SORL1: variants seen among roughly 807,000 people sequenced by gnomAD.
SORL1 encodes the protein sortilin-related receptor.
SORL1 carries 127 observed loss-of-function variants against 273.7 expected under a neutral mutation model. That is an observed-to-expected ratio of 0.46 (90% CI 0.40 to 0.54). The LOEUF is 0.54. SORL1 is among the 20% of genes least tolerant of loss of function. The pLI is 0.00. For synonymous variants in SORL1, 1,031 were observed against 1,067.4 expected, an observed-to-expected ratio of 0.97 and a Z score of 0.66; for missense variants, 2,494 against 2,846.1, an observed-to-expected ratio of 0.88 and a Z score of 2.81.
At chr11:121,507,406 T>C (rs1861804794) in intron 6 of SORL1, among the ~76,000 whole-genome samples, 1 of 152,204 alleles carries the variant, frequency 6.6e-6, no homozygotes, top group Non-Finnish European at 1.5e-5. Flanking sequence ...GTAATGTGTA[T>C]GTCAGGACAC....
intron 2 of SORL1, 76 bp downstream of exon 2, chr11:121,470,199 C>A: frequency 1.1e-6 from 1 of 927,334 alleles, no homozygotes; most frequent in Non-Finnish European, 1.8e-6. Context: ...GATTATCATA[C>A]TGGAAAAAGT....
At position 121,619,971 on chromosome 11, in the gene SORL1, G is replaced by C. The variant is rs575218862; in HGVS notation, c.5889+54G>C. The C allele has an allele frequency of 4.5e-5, 64 of 1,428,898 alleles. No individual in the cohort carries two copies. The East Asian group carries it at 1.1e-3, about 24-fold the overall frequency. 88.5% of individuals were successfully genotyped at this position (1,428,898 alleles called of 1,614,324 possible). On this transcript the variant is annotated intron_variant, in intron 43 of 47. Transcript: ENST00000260197. ...TGTTTATTCCTGGCCTGGTTAGGGT[G>C]GGGTGGGATGGAAGGGGATCCTCTA...
intron 11 of SORL1, among the ~76,000 whole-genome samples, chr11:121,527,974 A>AT (rs537981581): frequency 2.4e-3 from 357 of 149,786 alleles, no homozygotes; most frequent in Admixed American, 4.0e-3. Flanking sequence ...CTTTATTATT[A>AT]TTTTTTCCCT....
rs969603849 is a variant in SORL1 at position 121,610,901 on chromosome 11, C to T, written c.5240-175C>T. ...TGTTCACCAAGCAACTGTGGACCAA[C>T]CTTAGCTTCAGGAAAACAGTGGTAA... is the stretch of plus-strand genomic sequence containing the variant. On this transcript the variant is annotated intron_variant, in intron 38 of 47. Transcript: ENST00000260197. The T allele has an allele frequency of 7.0e-6, 4 of 567,786 alleles. No individual in the cohort carries two copies. The African/African-American group carries it at 7.6e-5, about 11-fold the overall frequency. 35.2% of individuals were successfully genotyped at this position (567,786 alleles called of 1,614,324 possible).
At chr11:121,548,063 A>G (rs1862459710) in intron 14 of SORL1, among the ~76,000 whole-genome samples, 1 of 152,220 alleles carries the variant, frequency 6.6e-6, no homozygotes, top group Non-Finnish European at 1.5e-5. Flanking sequence ...TCTTGACTGC[A>G]ACCCCTAGTA....
In SORL1 at chr11:121,545,135, C is replaced by G. The variant is rs576330477; in HGVS notation, c.1865-108C>G. ...GAGGGTCTGTGTGCTTGCGGGGTGG[C>G]AACAGATAGACAGGAAGTGGGGGTT... On this transcript the variant is annotated intron_variant, in intron 13 of 47. Coordinates refer to ENST00000260197, the MANE Select transcript of SORL1 (RefSeq NM_003105.6). 35 of 986,818 alleles carry G rather than the reference C, an allele frequency of 3.5e-5. No individual in the cohort carries two copies. In the East Asian group the frequency reaches 5.8e-4, roughly 16 times the overall value. The allele number at this position is 986,818 out of a possible 1,614,324, so 61.1% of individuals were successfully genotyped here. A position where few individuals can be genotyped will look rare whatever the true frequency, so the allele number is the denominator to read the frequency against.
chr11:121,600,044 G>A (rs2134914947), intron 32 of SORL1, among the ~76,000 whole-genome samples: 1 of 152,274 alleles, frequency 6.6e-6, no homozygotes, highest in Middle Eastern at 3.4e-3. Flanking sequence ...TGGAAGGCAT[G>A]CCTGTCATAC....
chr11:121,473,555 A>G (rs1861207060), intron 2 of SORL1, among the ~76,000 whole-genome samples: 1 of 146,950 alleles, frequency 6.8e-6, no homozygotes, highest in Admixed American at 6.9e-5. Context: ...GTGCAACATA[A>G]TTGGCTGAAG....
At chr11:121,481,340 A>G (rs476786) in intron 3 of SORL1, among the ~76,000 whole-genome samples, 806 of 38,448 alleles carry the variant, frequency 0.021, no homozygotes, top group Admixed American at 0.026. Flanking sequence ...GATACCTATA[A>G]GCAAGCTCCA....
At chr11:121,462,645 C>T (rs1010706954) in intron 1 of SORL1, among the ~76,000 whole-genome samples, 2 of 152,186 alleles carry the variant, frequency 1.3e-5, no homozygotes, top group Non-Finnish European at 2.9e-5. Flanking sequence ...AGTGCAGTGG[C>T]ATGATCATAG....
rs1405932316 is a variant in SORL1, at chr11:121,621,048, T to C, written c.5890-16T>C. 1.3e-6 allele frequency: 2 copies of C among 1,568,140 alleles called. No individual in the cohort carries two copies. Among genetic ancestry groups the C allele is most frequent in the Non-Finnish European group, 1.7e-6 (2 of 1,146,644 alleles). ...AACTTTCTGATTATCATTCACTTGT[T>C]CTTTTTTGGTCCTAGTTGTATGCAG... On this transcript the variant is annotated splice_polypyrimidine_tract_variant and intron_variant, in intron 43 of 47. Transcript: ENST00000260197.
At chr11:121,517,812 A>T (rs915322838) in intron 8 of SORL1, among the ~76,000 whole-genome samples, 4 of 152,238 alleles carry the variant, frequency 2.6e-5, no homozygotes, top group Non-Finnish European at 5.9e-5. Context: ...AGGTTCCATT[A>T]TACTCAGTTG....
chr11:121,490,050 A>G lies in SORL1; in HGVS notation c.698A>G (p.Lys233Arg), dbSNP rs931608727. The change falls in exon 5 of 48, where the codon AAG becomes AGG. Residue 233 changes from lysine to arginine, a missense_variant. Physicochemically the swap from Lys to Arg is conservative, Grantham distance 26. Around this residue, in one of 3 missense-constraint regions of SORL1, gnomAD observed 710 missense variants for 882.5 expected, o/e 0.80. Coordinates refer to ENST00000260197, the MANE Select transcript of SORL1 (RefSeq NM_003105.6). ...GACCACTTGTCTTTGCAGCTGTGGA[A>G]GTCAGATGACTTTGGCCAGACCTGG... ...DRSHPNKQLW[K>R]SDDFGQTWIM... 31 of 1,613,558 alleles carry G rather than the reference A, an allele frequency of 1.9e-5. No individual in the cohort carries two copies. Among genetic ancestry groups the G allele is most frequent in the Non-Finnish European group, 2.6e-5 (31 of 1,179,520 alleles).
At chr11:121,517,525 AT>A (rs1367829259) in intron 8 of SORL1, among the ~76,000 whole-genome samples, 1 of 152,122 alleles carries the variant, frequency 6.6e-6, no homozygotes, top group Non-Finnish European at 1.5e-5. Flanking sequence ...TTTTTTCACC[AT>A]TGAAAGCCCC....
At chr11:121,620,737 TGGA>T (rs1213747788) in intron 43 of SORL1, among the ~76,000 whole-genome samples, 2 of 152,012 alleles carry the variant, frequency 1.3e-5, no homozygotes, top group Admixed American at 6.6e-5. Context: ...ATTGCAGTGG[TGGA>T]GATGTGGAAG....
chr11:121,513,936 T>C lies in SORL1; in HGVS notation c.1042-216T>C, dbSNP rs544036913. On this transcript the variant is annotated intron_variant, in intron 7 of 47. Transcript: ENST00000260197. Reference sequence around the variant, plus strand: ...AGTGGCCCATTATTTTGTGCCCCATTTGCCAGTAAGGGGCCCGCTAAGCTG... The same window carrying C: ...AGTGGCCCATTATTTTGTGCCCCATCTGCCAGTAAGGGGCCCGCTAAGCTG... Among the ~76,000 whole-genome samples, 40 of 152,344 alleles carry C rather than the reference T, an allele frequency of 2.6e-4. 1 individual carries two copies. In the South Asian group the frequency reaches 3.1e-3, roughly 12 times the overall value.
chr11:121,608,276 A>C, intron 38 of SORL1, 100 bp downstream of exon 38: 1 of 980,926 alleles, frequency 1.0e-6, no homozygotes, highest in Non-Finnish European at 1.6e-6. Context: ...TAGTTTAGAA[A>C]AACATCACAC....
At chr11:121,565,865 C>T (rs529145949) in intron 21 of SORL1, among the ~76,000 whole-genome samples, 6 of 152,312 alleles carry the variant, frequency 3.9e-5, no homozygotes, top group South Asian at 2.1e-4. Context: ...GAACTCTCTC[C>T]GGTGCTGCCT....
Position 121,590,079 on chromosome 11 carries a change from A to G in SORL1, c.4118A>G (p.Gln1373Arg), listed in dbSNP as rs773473410. 1 of 1,614,070 alleles carries G rather than the reference A, an allele frequency of 6.2e-7. No homozygotes were observed. Among genetic ancestry groups the G allele is most frequent in the East Asian group, 2.2e-5 (1 of 44,858 alleles). ...GCCCCAAACTGCTCCCGCTACTTCC[A>G]GTTTCGGTGTGAGAATGGCCACTGC... ...TEAPNCSRYF[Q>R]FRCENGHCIP... is the part of the protein sequence containing the mutation. Residue 1373 changes from glutamine (Q) to arginine (R), a missense_variant, in exon 30 of 48, where the codon CAG becomes CGG. By Grantham distance (43) the Gln-to-Arg change is conservative. Around this residue, in one of 3 missense-constraint regions of SORL1, gnomAD observed 1,609 missense variants for 1,816.4 expected, o/e 0.89. Coordinates refer to ENST00000260197, the MANE Select transcript of SORL1 (RefSeq NM_003105.6).
Sources: gnomAD v4.1 joint callset for allele counts (sites outside exome capture counted in the v4.1 genomes callset) on GRCh38, gnomAD v4.1.1 for gene constraint, gnomAD v4.1.1 regional missense constraint, MANE v1.5 for transcripts, NCBI Gene and HGNC (gene_info 2026-07-23, HGNC 2026-07-21) for gene names.